The following JAK1 variants were observed in gnomAD, a reference collection of about 807,000 sequenced individuals.
JAK1 encodes Janus kinase 1.
JAK1 carries 16 observed loss-of-function variants against 136.6 expected under a neutral mutation model. That is an observed-to-expected ratio of 0.12 (90% CI 0.08 to 0.18). The LOEUF is 0.18. JAK1 is among the 10% of genes least tolerant of loss of function. The pLI, the probability that JAK1 is intolerant of heterozygous loss-of-function variation, is 1.00. For synonymous variants in JAK1, 492 were observed against 519.5 expected (o/e 0.95, Z 0.72); for missense variants, 859 against 1,450.1 (o/e 0.59, Z 6.62).
At chr1:64,937,144 C>T (rs1407177468) in intron 1 of JAK1, among the ~76,000 whole-genome samples, 2 of 152,038 alleles carry the variant, frequency 1.3e-5, no homozygotes, top group East Asian at 3.9e-4. Flanking sequence ...ATTTGGGTAG[C>T]TGATCCACTG....
chr1:64,928,799 A>AAAAAAC (rs1557699705), intron 1 of JAK1, among the ~76,000 whole-genome samples: 34 of 85,076 alleles, frequency 4.0e-4, no homozygotes, highest in East Asian at 3.5e-3. Context: ...AAAAAAAACA[A>AAAAAAC]AAAAAAAAAA....
At chr1:65,025,051 A>G (rs1646967181) in intron 2 of JAK1, among the ~76,000 whole-genome samples, 1 of 152,088 alleles carries the variant, frequency 6.6e-6, no homozygotes, top group Non-Finnish European at 1.5e-5. Context: ...TCTGAGCCCC[A>G]TTCTTGGATA....
At chr1:64,883,192 A>C in intron 3 of JAK1, 85 bp downstream of exon 3, 1 of 1,104,014 alleles carries the variant, frequency 9.1e-7, no homozygotes, top group Non-Finnish European at 1.3e-6. Context: ...TCTGCCCAGC[A>C]GCGCTACAAG....
intron 2 of JAK1, among the ~76,000 whole-genome samples, chr1:65,010,935 C>T (rs1041265843): frequency 4.6e-5 from 7 of 152,134 alleles, no homozygotes; most frequent in Admixed American, 2.0e-4. Flanking sequence ...CTGTAGTGAG[C>T]TATAATTGCA....
chr1:65,037,774 G>A (rs779810314), intron 2 of JAK1, among the ~76,000 whole-genome samples: 13 of 152,146 alleles, frequency 8.5e-5, no homozygotes, highest in Non-Finnish European at 1.8e-4. Flanking sequence ...TGAGGCAAGA[G>A]GATCGCTCCT....
At chr1:64,978,939 T>C (rs1646520227) in intron 2 of JAK1, among the ~76,000 whole-genome samples, 1 of 152,148 alleles carries the variant, frequency 6.6e-6, no homozygotes, top group Non-Finnish European at 1.5e-5. Context: ...TATTTTATGA[T>C]ACCTATCAGC....
At position 65,050,628 on chromosome 1, in the gene JAK1, T is replaced by A. The variant is rs4478849; in HGVS notation, c.-180-6046A>T. Among the ~76,000 whole-genome samples, 1,078 of 152,240 alleles carry A rather than the reference T, an allele frequency of 7.1e-3. 17 individuals carry two copies. Among genetic ancestry groups the A allele is most frequent in the African/African-American group, 0.025 (1,046 of 41,532 alleles). On this transcript the variant is annotated intron_variant, in intron 1 of 25. Transcript: ENST00000671954. ...TTTAAACCAGAGGGTTTTTAAGTGATGGCATGATCAAACTTTCATTTTACA... is the reference window on the plus strand; with the variant it reads ...TTTAAACCAGAGGGTTTTTAAGTGAAGGCATGATCAAACTTTCATTTTACA...
intron 11 of JAK1, among the ~76,000 whole-genome samples, chr1:64,854,699 T>C (rs1027478942): frequency 6.6e-5 from 10 of 151,770 alleles, no homozygotes; most frequent in African/African-American, 2.2e-4. Flanking sequence ...TCCATTTCAC[T>C]CCCTGATCCT....
At chr1:64,971,801 C>T (rs975975525) in intron 2 of JAK1, among the ~76,000 whole-genome samples, 2 of 152,162 alleles carry the variant, frequency 1.3e-5, no homozygotes, top group Non-Finnish European at 2.9e-5. Flanking sequence ...TCAAGTGATC[C>T]ACCCACCTCG....
intron 6 of JAK1, among the ~76,000 whole-genome samples, chr1:64,868,017 AGAGAGAGAGAGT>A (rs1360208403): frequency 2.0e-5 from 3 of 151,044 alleles, no homozygotes. Flanking sequence ...AAAAAGAGAG[AGAGAGAGAGAGT>A]GAGAGAGAGA....
intron 8 of JAK1, among the ~76,000 whole-genome samples, chr1:64,863,846 TTTAA>T (rs1173817380): frequency 6.6e-6 from 1 of 152,250 alleles, no homozygotes; most frequent in Non-Finnish European, 1.5e-5. Flanking sequence ...ATTTTGACAC[TTTAA>T]TTACTACTGG....
chr1:65,008,227 G>C (rs1425570057), intron 2 of JAK1, among the ~76,000 whole-genome samples: 1 of 152,146 alleles, frequency 6.6e-6, no homozygotes, highest in Non-Finnish European at 1.5e-5. Context: ...AAAGCCCAGG[G>C]GAGCAGGAAA....
chr1:64,913,633 G>GAGGGAGGGAGGGAGGAAGGAAGGAAGGA (rs1557686264), intron 1 of JAK1, among the ~76,000 whole-genome samples: 1 of 80,020 alleles, frequency 1.2e-5, no homozygotes, highest in African/African-American at 5.4e-5. Context: ...GGGAGGGAGG[G>GAGGGAGGGAGGGAGGAAGGAAGGAAGGA]AGGAAGGGAG....
intron 2 of JAK1, among the ~76,000 whole-genome samples, chr1:65,031,247 G>A (rs1647021712): frequency 2.0e-5 from 3 of 151,564 alleles, no homozygotes; most frequent in Admixed American, 2.0e-4. Context: ...AGTACGTGAT[G>A]TTCTAAGATA....
chr1:64,883,911 T>C lies in JAK1; in HGVS notation c.7-436A>G, dbSNP rs1033968460. On this transcript the variant is annotated intron_variant, in intron 2 of 24. Coordinates refer to ENST00000342505, the MANE Select transcript of JAK1 (RefSeq NM_002227.4). ...ATCACATAAGCTTTGAACAGACTTA[T>C]GGCAAGAATCAGCATTTTAATTTCA... Among the ~76,000 whole-genome samples, 3 of 152,164 alleles carry C rather than the reference T, an allele frequency of 2.0e-5. No individual in the cohort carries two copies. In the East Asian group the frequency reaches 5.8e-4, roughly 29 times the overall value.
intron 9 of JAK1, among the ~76,000 whole-genome samples, chr1:64,859,386 T>A (rs929501457): frequency 6.6e-6 from 1 of 152,234 alleles, no homozygotes; most frequent in Non-Finnish European, 1.5e-5. Context: ...CAGAAAGGTA[T>A]GCACATCTCT....
intron 11 of JAK1, among the ~76,000 whole-genome samples, chr1:64,854,558 G>C (rs1655801589): frequency 1.3e-5 from 2 of 152,122 alleles, no homozygotes; most frequent in African/African-American, 2.4e-5. Context: ...TCTATAAAAT[G>C]AGACAGTTGA....
chr1:64,839,370 G>A (rs1174381529), intron 20 of JAK1: 3 of 426,738 alleles, frequency 7.0e-6, no homozygotes, highest in African/African-American at 4.1e-5. Context: ...GTGACGTGGA[G>A]AGACAGTGCT....
chr1:64,839,145 C>CAAA (rs56058898), intron 20 of JAK1, among the ~76,000 whole-genome samples: 164 of 59,758 alleles, frequency 2.7e-3, no homozygotes, highest in Non-Finnish European at 3.6e-3. Context: ...GACTCCGTCT[C>CAAA]AAAAAAAAAA....
Sources: gnomAD v4.1 joint callset for allele counts (sites outside exome capture counted in the v4.1 genomes callset) on GRCh38, gnomAD v4.1.1 for gene constraint, MANE v1.5 for transcripts, NCBI Gene and HGNC (gene_info 2026-07-23, HGNC 2026-07-21) for gene names.